MSRA: variants seen among roughly 807,000 people sequenced by gnomAD.
MSRA encodes methionine sulfoxide reductase A.
A neutral mutation model predicts 31.3 loss-of-function variants in MSRA; 54 were observed. That is an observed-to-expected ratio of 1.73 (90% CI 1.39 to 2.17). MSRA has a LOEUF of 2.17. Among genes scored for constraint, MSRA ranks in the 30% most tolerant of loss-of-function variants. The pLI is 0.00. For synonymous variants in MSRA, 169 were observed against 116.5 expected, an observed-to-expected ratio of 1.45 and a Z score of -2.90; for missense variants, 507 against 300.9, an observed-to-expected ratio of 1.69 and a Z score of -5.07.
At chr8:10,202,446 A>G (rs1808580756) in intron 1 of MSRA, among the ~76,000 whole-genome samples, 2 of 152,226 alleles carry the variant, frequency 1.3e-5, no homozygotes, top group African/African-American at 4.8e-5. Flanking sequence ...CAGTGTAGAA[A>G]TGAGAAGGAA....
chr8:10,191,237 A>C (rs575324212), intron 1 of MSRA, among the ~76,000 whole-genome samples: 49 of 152,278 alleles, frequency 3.2e-4, no homozygotes, highest in African/African-American at 1.2e-3. Context: ...GAATAACCCC[A>C]CCATCTTTTT....
Position 10,054,503 on chromosome 8 carries a change from G to A in MSRA, c.-14G>A, listed in dbSNP as rs762396675. ...CGCCGTCCCCCGGGACCACCCTTCG[G>A]CTGGCGCCCTCCCATGCTCTCGGCC... On this transcript the variant is annotated 5_prime_UTR_variant, in exon 1 of 6. Transcript: ENST00000317173. 2 of 1,568,292 alleles carry A rather than the reference G, an allele frequency of 1.3e-6. No individual in the cohort carries two copies. The highest frequency in any genetic ancestry group is 1.1e-5 in the South Asian group (1 of 87,284).
intron 5 of MSRA, among the ~76,000 whole-genome samples, chr8:10,425,043 G>C (rs552979274): frequency 6.5e-4 from 99 of 152,324 alleles, no homozygotes; most frequent in Non-Finnish European, 1.2e-3. Context: ...AGCGGACGAA[G>C]GGGGACCAGG....
chr8:10,217,679 C>G (rs1810114602), intron 2 of MSRA, among the ~76,000 whole-genome samples: 1 of 152,094 alleles, frequency 6.6e-6, no homozygotes, highest in African/African-American at 2.4e-5. Flanking sequence ...ATATTTAAAG[C>G]AGATCTCAGC....
At chr8:10,389,165 A>T (rs1219566197) in intron 5 of MSRA, among the ~76,000 whole-genome samples, 2 of 152,132 alleles carry the variant, frequency 1.3e-5, no homozygotes. Flanking sequence ...CAGCACAGGC[A>T]ATCCAGTCAG....
chr8:10,142,390 A>G (rs1490506822), intron 1 of MSRA, among the ~76,000 whole-genome samples: 1 of 152,226 alleles, frequency 6.6e-6, no homozygotes, highest in Non-Finnish European at 1.5e-5. Flanking sequence ...AGAGCTGGCA[A>G]GTGATGGAGA....
intron 3 of MSRA, among the ~76,000 whole-genome samples, chr8:10,256,502 T>C (rs1798187746): frequency 6.6e-6 from 1 of 152,218 alleles, no homozygotes; most frequent in East Asian, 1.9e-4. Flanking sequence ...CCTGGAGGCC[T>C]GGGTTGAAAT....
At chr8:10,246,038 C>G (rs1461815846) in intron 3 of MSRA, among the ~76,000 whole-genome samples, 1 of 151,340 alleles carries the variant, frequency 6.6e-6, no homozygotes, top group Admixed American at 6.6e-5. Flanking sequence ...GGCCAAATCC[C>G]ACTTGCTGCC....
At chr8:10,380,605 C>A (rs1806009598) in intron 5 of MSRA, among the ~76,000 whole-genome samples, 1 of 152,214 alleles carries the variant, frequency 6.6e-6, no homozygotes, top group South Asian at 2.1e-4. Flanking sequence ...TTAGTAATTT[C>A]TTTCCTTTTC....
At chr8:10,072,271 G>A (rs1797772677) in intron 1 of MSRA, among the ~76,000 whole-genome samples, 1 of 151,092 alleles carries the variant, frequency 6.6e-6, no homozygotes, top group African/African-American at 2.4e-5. Flanking sequence ...AGTGGGGGCT[G>A]AAAGGCTGTG....
chr8:10,324,949 G>A (rs775357069), intron 5 of MSRA, among the ~76,000 whole-genome samples: 4 of 152,232 alleles, frequency 2.6e-5, no homozygotes, highest in Non-Finnish European at 5.9e-5. Context: ...AGGGCAGGAG[G>A]CAAGAGACAA....
At chr8:10,417,776 GTGTC>G (rs1563458593) in intron 5 of MSRA, among the ~76,000 whole-genome samples, 2 of 151,382 alleles carry the variant, frequency 1.3e-5, no homozygotes, top group Non-Finnish European at 2.9e-5. Context: ...GTGTGTGTGT[GTGTC>G]TGTGTACACG....
intron 1 of MSRA, among the ~76,000 whole-genome samples, chr8:10,160,654 C>T (rs528115551): frequency 4.6e-5 from 7 of 152,132 alleles, no homozygotes; most frequent in African/African-American, 7.2e-5. Context: ...CTCAGCCTCC[C>T]GAGTAGCTGG....
At chr8:10,323,745 CGTGTGTGT>C (rs10643873) in intron 5 of MSRA, among the ~76,000 whole-genome samples, 2 of 142,712 alleles carry the variant, frequency 1.4e-5, no homozygotes, top group East Asian at 4.2e-4. Flanking sequence ...GAATTAAATA[CGTGTGTGT>C]GTGTGTGTGT....
intron 5 of MSRA, among the ~76,000 whole-genome samples, chr8:10,351,438 G>C (rs9644725): frequency 0.093 from 14,150 of 151,908 alleles, 770 homozygotes; most frequent in South Asian, 0.12. Flanking sequence ...ATTTTTGGTA[G>C]AGATGGGGTT....
At chr8:10,064,258 T>C (rs1186444916) in intron 1 of MSRA, among the ~76,000 whole-genome samples, 1 of 152,224 alleles carries the variant, frequency 6.6e-6, no homozygotes, top group Non-Finnish European at 1.5e-5. Context: ...TGCCAAATGA[T>C]TGATTTTTCC....
At chr8:10,374,603 A>G (rs772079680) in intron 5 of MSRA, among the ~76,000 whole-genome samples, 1 of 152,222 alleles carries the variant, frequency 6.6e-6, no homozygotes, top group Non-Finnish European at 1.5e-5. Flanking sequence ...CCCACTCTAT[A>G]TTAGCAGGAG....
chr8:10,394,276 C>T (rs75821120), intron 5 of MSRA, among the ~76,000 whole-genome samples: 5,375 of 152,178 alleles, frequency 0.035, 137 homozygotes, highest in Non-Finnish European at 0.052. Flanking sequence ...CCCTGTAGTC[C>T]CCAGCGACGA....
intron 1 of MSRA, among the ~76,000 whole-genome samples, chr8:10,186,941 C>G (rs1350469922): frequency 1.3e-5 from 2 of 152,194 alleles, no homozygotes; most frequent in South Asian, 2.1e-4. Flanking sequence ...TGTCATCAGT[C>G]ATTCCGATTG....
Sources: allele counts gnomAD v4.1 joint callset (sites outside exome capture counted in the v4.1 genomes callset), GRCh38; gene constraint gnomAD v4.1.1; transcripts MANE v1.5; gene names NCBI Gene and HGNC (gene_info 2026-07-23, HGNC 2026-07-21).